Variants in OXR1 observed in about 807,000 individuals in gnomAD.
OXR1 encodes the protein oxidation resistance 1.
In OXR1, 41 loss-of-function variants were observed where a neutral mutation model predicts 104.6. That is an observed-to-expected ratio of 0.39 (90% CI 0.31 to 0.51). The LOEUF (loss-of-function observed/expected upper bound fraction) is 0.51. Among genes scored for constraint, OXR1 ranks in the 20% least tolerant of loss-of-function variants. The pLI, the probability that OXR1 is intolerant of heterozygous loss-of-function variation, is 0.77. For synonymous variants in OXR1, 348 were observed against 348.4 expected (o/e 1.00, Z 0.01); for missense variants, 955 against 1,031.9 (o/e 0.93, Z 1.02).
At chr8:106,645,922 T>G (rs1458417520) in intron 3 of OXR1, among the ~76,000 whole-genome samples, 3 of 152,244 alleles carry the variant, frequency 2.0e-5, no homozygotes, top group Non-Finnish European at 4.4e-5. Flanking sequence ...TCTCTTTTTA[T>G]TGTACTTCAT....
chr8:106,402,587 G>A (rs1446074375), intron 2 of OXR1, among the ~76,000 whole-genome samples: 4 of 152,184 alleles, frequency 2.6e-5, no homozygotes, highest in East Asian at 1.9e-4. Context: ...CCACAGTGAT[G>A]TTTGGGTCTC....
intron 3 of OXR1, among the ~76,000 whole-genome samples, chr8:106,536,135 G>T (rs1293839615): frequency 1.3e-5 from 2 of 151,852 alleles, no homozygotes; most frequent in African/African-American, 2.4e-5. Flanking sequence ...CAGGAGAATG[G>T]CATGAACCTG....
At chr8:106,291,925 A>G (rs535066351) in intron 1 of OXR1, among the ~76,000 whole-genome samples, 1 of 152,194 alleles carries the variant, frequency 6.6e-6, no homozygotes, top group South Asian at 2.1e-4. Flanking sequence ...CACCTCCATG[A>G]TTCATTTACC....
rs78120522 is a variant in OXR1, at chr8:106,345,220, C to A, written c.-138-14256C>A. ...TAATGAATGACATAAGAACACATAG[C>A]AGGTGCTCAATAAATATTAGATAAG... On this transcript the variant is annotated intron_variant, in intron 1 of 16. Coordinates refer to ENST00000517566, the MANE Select transcript of OXR1 (RefSeq NM_001198533.2). 6.2e-3 allele frequency among the ~76,000 whole-genome samples: 940 copies of A among 152,218 alleles called. 7 individuals are homozygous for A. Among genetic ancestry groups the A allele is most frequent in the Non-Finnish European group, 9.6e-3 (654 of 68,016 alleles).
At chr8:106,525,757 G>T (rs1813617441) in intron 3 of OXR1, among the ~76,000 whole-genome samples, 1 of 152,118 alleles carries the variant, frequency 6.6e-6, no homozygotes, top group Non-Finnish European at 1.5e-5. Flanking sequence ...TTCTCACCTT[G>T]TCAAGGGAAT....
intron 3 of OXR1, among the ~76,000 whole-genome samples, chr8:106,559,577 G>A (rs144339837): frequency 3.2e-4 from 48 of 152,164 alleles, no homozygotes; most frequent in Admixed American, 7.8e-4. Flanking sequence ...AAACAATACT[G>A]TAAAACCATA....
intron 3 of OXR1, among the ~76,000 whole-genome samples, chr8:106,553,183 A>T (rs992529797): frequency 2.0e-5 from 3 of 151,120 alleles, no homozygotes; most frequent in Non-Finnish European, 2.9e-5. Flanking sequence ...GTGCACATGT[A>T]CCCTAAAACT....
chr8:106,467,975 T>A (rs1013741625), intron 2 of OXR1, among the ~76,000 whole-genome samples: 1 of 151,998 alleles, frequency 6.6e-6, no homozygotes, highest in African/African-American at 2.4e-5. Context: ...GGGAAAAGTA[T>A]GTTTAGAGCT....
At chr8:106,481,036 A>G (rs1030282105) in intron 2 of OXR1, among the ~76,000 whole-genome samples, 3 of 152,066 alleles carry the variant, frequency 2.0e-5, no homozygotes, top group Non-Finnish European at 4.4e-5. Context: ...TGGCTTACCA[A>G]GTAAATAAAG....
chr8:106,421,518 A>G (rs1586626997), intron 2 of OXR1, among the ~76,000 whole-genome samples: 1 of 152,116 alleles, frequency 6.6e-6, no homozygotes, highest in Admixed American at 6.6e-5. Flanking sequence ...GTTCTCTCAC[A>G]TGGCTAGCTG....
chr8:106,619,660 A>T (rs1821535669), intron 3 of OXR1, among the ~76,000 whole-genome samples: 1 of 152,228 alleles, frequency 6.6e-6, no homozygotes, highest in Admixed American at 6.5e-5. Flanking sequence ...GTAATAAAAA[A>T]ATACACAAGA....
rs539469511 is a variant in OXR1 at position 106,452,119 on chromosome 8, A to T, written c.24-66824A>T. Reference sequence around the variant, plus strand: ...CATCTGCATTTGGTTTCTGTCTGGTAAGCTCATGTGTAATTACAGACTCAG... The same window carrying T: ...CATCTGCATTTGGTTTCTGTCTGGTTAGCTCATGTGTAATTACAGACTCAG... On this transcript the variant is annotated intron_variant, in intron 2 of 16. Coordinates refer to ENST00000517566, the MANE Select transcript of OXR1 (RefSeq NM_001198533.2). Among the ~76,000 whole-genome samples, 28 of 152,294 alleles carry T rather than the reference A, an allele frequency of 1.8e-4. No individual in the cohort carries two copies. In the South Asian group the frequency reaches 2.1e-3, roughly 11 times the overall value.
intron 1 of OXR1, among the ~76,000 whole-genome samples, chr8:106,311,373 A>G (rs1813692176): frequency 6.6e-6 from 1 of 152,188 alleles, no homozygotes; most frequent in Non-Finnish European, 1.5e-5. Context: ...AAGGATTTAA[A>G]AGCTAATTAG....
At chr8:106,352,851 T>G (rs960896346) in intron 1 of OXR1, among the ~76,000 whole-genome samples, 3 of 152,212 alleles carry the variant, frequency 2.0e-5, no homozygotes, top group Non-Finnish European at 4.4e-5. Context: ...AAGGGAGAGA[T>G]ATTTATTCTT....
intron 1 of OXR1, among the ~76,000 whole-genome samples, chr8:106,286,548 A>G (rs1257296308): frequency 6.6e-6 from 1 of 152,164 alleles, no homozygotes; most frequent in African/African-American, 2.4e-5. Context: ...AGAAGGTGGT[A>G]ACTTTTCTCT....
intron 1 of OXR1, among the ~76,000 whole-genome samples, chr8:106,292,936 G>T (rs1336476530): frequency 6.6e-6 from 1 of 152,258 alleles, no homozygotes; most frequent in African/African-American, 2.4e-5. Context: ...CAGGACTAGA[G>T]CAGGGTAAGA....
At chr8:106,728,772 T>C (rs1211703954) in intron 11 of OXR1, among the ~76,000 whole-genome samples, 2 of 152,210 alleles carry the variant, frequency 1.3e-5, no homozygotes, top group African/African-American at 4.8e-5. Flanking sequence ...CGTAATTTAC[T>C]TGAAATTATA....
chr8:106,501,834 T>C (rs577526035), intron 2 of OXR1, among the ~76,000 whole-genome samples: 1 of 152,366 alleles, frequency 6.6e-6, no homozygotes, highest in South Asian at 2.1e-4. Context: ...TCAAATCATG[T>C]ATTCTTAGAA....
intron 2 of OXR1, among the ~76,000 whole-genome samples, chr8:106,502,354 C>T (rs1018826921): frequency 1.3e-5 from 2 of 152,180 alleles, no homozygotes; most frequent in Admixed American, 1.3e-4. Context: ...ATCTGTTCGT[C>T]TGCTATAAGA....
Sources: gnomAD v4.1 joint callset for allele counts (sites outside exome capture counted in the v4.1 genomes callset) on GRCh38, gnomAD v4.1.1 for gene constraint, MANE v1.5 for transcripts, NCBI Gene and HGNC (gene_info 2026-07-23, HGNC 2026-07-21) for gene names.